Variants in SLC12A6 observed in about 807,000 individuals in gnomAD.
SLC12A6 encodes solute carrier family 12 member 6.
SLC12A6 carries 66 observed loss-of-function variants against 135.3 expected under a neutral mutation model. That is an observed-to-expected ratio of 0.49 (90% CI 0.40 to 0.60). The LOEUF (loss-of-function observed/expected upper bound fraction) is 0.60. Ranked by LOEUF, SLC12A6 falls within the 20% of genes least tolerant of loss-of-function variation. SLC12A6 has a pLI of 0.00. For synonymous variants in SLC12A6, 513 were observed against 508.8 expected, an observed-to-expected ratio of 1.01 and a Z score of -0.11; for missense variants, 1,058 against 1,452.3, an observed-to-expected ratio of 0.73 and a Z score of 4.41.
chr15:34,248,439 T>C (rs1254219068), intron 13 of SLC12A6, among the ~76,000 whole-genome samples: 1 of 152,082 alleles, frequency 6.6e-6, no homozygotes, highest in Non-Finnish European at 1.5e-5. Context: ...TTTTCCAAAA[T>C]GATACTCTAA....
intron 25 of SLC12A6, among the ~76,000 whole-genome samples, chr15:34,234,777 G>A (rs1891144391): frequency 6.6e-6 from 1 of 152,184 alleles, no homozygotes; most frequent in Non-Finnish European, 1.5e-5. Context: ...GTATGAGGAA[G>A]AATCCCTATC....
intron 2 of SLC12A6, among the ~76,000 whole-genome samples, chr15:34,301,584 G>A (rs7168168): frequency 0.039 from 5,973 of 152,242 alleles, 218 homozygotes; most frequent in African/African-American, 0.099. Context: ...GAAAATGTAG[G>A]GCCAAACATG....
In SLC12A6 at chr15:34,265,151, C is replaced by G. The variant is rs771922106; in HGVS notation, c.317-4131G>C. On this transcript the variant is annotated intron_variant, in intron 3 of 25. Coordinates refer to ENST00000354181, the MANE Select transcript of SLC12A6 (RefSeq NM_001365088.1). ...GGCGGAGCTTGCAGTGAGCCGAGAT[C>G]GTGCCACTGCACTCCAGCCTGGGCG... 1.5e-4 allele frequency among the ~76,000 whole-genome samples: 23 copies of G among 152,068 alleles called. 1 individual carries two copies. Among genetic ancestry groups the G allele is most frequent in the Non-Finnish European group, 2.8e-4 (19 of 68,008 alleles).
Position 34,250,757 on chromosome 15 carries a change from G to C in SLC12A6, c.1493-28C>G, listed in dbSNP as rs749461315. ...TTAGAGATAAGGGGGAAAAAACCAAGTTAACTTCTTGGACACTTTGATATT... is the reference window on the plus strand; with the variant it reads ...TTAGAGATAAGGGGGAAAAAACCAACTTAACTTCTTGGACACTTTGATATT... On this transcript the variant is annotated intron_variant, in intron 11 of 25. Transcript: ENST00000354181. 2.1e-6 allele frequency: 3 copies of C among 1,457,844 alleles called. No individual in the cohort carries two copies. The South Asian group carries it at 3.4e-5, about 17-fold the overall frequency. 90.3% of individuals were successfully genotyped at this position (1,457,844 alleles called of 1,614,324 possible).
intron 13 of SLC12A6, among the ~76,000 whole-genome samples, chr15:34,246,353 T>G (rs1190057582): frequency 6.6e-6 from 1 of 152,110 alleles, no homozygotes; most frequent in African/African-American, 2.4e-5. Flanking sequence ...AAAAAATACA[T>G]ATGGGGCTAG....
intron 2 of SLC12A6, among the ~76,000 whole-genome samples, chr15:34,312,783 T>C (rs1888352381): frequency 6.6e-6 from 1 of 152,240 alleles, no homozygotes; most frequent in Admixed American, 6.5e-5. Flanking sequence ...TTTTTAGTGC[T>C]GTTTTTCCAA....
chr15:34,261,149 C>T, intron 3 of SLC12A6, 129 bp from the exon 4 acceptor site: 1 of 684,312 alleles, frequency 1.5e-6, no homozygotes, highest in Non-Finnish European at 2.7e-6. Context: ...AATCTTAGAA[C>T]TCAATCAGCA....
intron 2 of SLC12A6, among the ~76,000 whole-genome samples, chr15:34,311,668 A>G (rs1016173413): frequency 1.3e-5 from 2 of 152,168 alleles, no homozygotes; most frequent in African/African-American, 4.8e-5. Flanking sequence ...GATTATCACT[A>G]AAAAGGCAAT....
At chr15:34,290,106 C>T (rs568674460) in intron 2 of SLC12A6, among the ~76,000 whole-genome samples, 22 of 152,234 alleles carry the variant, frequency 1.4e-4, no homozygotes, top group East Asian at 5.8e-4. Flanking sequence ...CTTTCTCTTG[C>T]GGGCATTTAG....
At chr15:34,243,885 T>G in intron 16 of SLC12A6, 89 bp downstream of exon 16, 1 of 836,906 alleles carries the variant, frequency 1.2e-6, no homozygotes, top group Non-Finnish European at 2.1e-6. Flanking sequence ...GAAAAAAATT[T>G]TATCGAGAAC....
At position 34,251,986 on chromosome 15, in the gene SLC12A6, GAAT is replaced by G. The variant is rs78669274; in HGVS notation, c.1333+181_1333+183del. On this transcript the variant is annotated intron_variant, in intron 10 of 25. Coordinates refer to ENST00000354181, the MANE Select transcript of SLC12A6 (RefSeq NM_001365088.1). ...AGACATCACTCTGTAAAGGAGTACT[GAAT>G]AAGGACAGCTTTACTAATGGAAAAG... Among the ~76,000 whole-genome samples the G allele has an allele frequency of 2.3e-4, 35 of 152,328 alleles. 1 individual carries two copies. The East Asian group carries it at 6.2e-3, about 27-fold the overall frequency.
chr15:34,275,346 T>C lies in SLC12A6; in HGVS notation c.315A>G (p.Leu105=), dbSNP rs774392413. 1.3e-6 allele frequency: 2 copies of C among 1,492,680 alleles called. No homozygotes were observed. The highest frequency in any genetic ancestry group is 1.9e-6 in the Non-Finnish European group (2 of 1,069,992). 92.5% of individuals were successfully genotyped at this position (1,492,680 alleles called of 1,614,324 possible). Residue 105 remains leucine (L), a splice_region_variant and synonymous_variant, in exon 3 of 26, where the codon TTA becomes TTG. Transcript: ENST00000354181. ...TCAATCCCCACAGTAATACTATACC[T>C]AACAGTTGGCTGTGTTCCCCTGTGA... ...NSITGEHSQL[L]DDGHKKARNA... is the part of the protein sequence containing the mutation.
chr15:34,293,955 C>T (rs1207350781), intron 2 of SLC12A6, among the ~76,000 whole-genome samples: 1 of 152,136 alleles, frequency 6.6e-6, no homozygotes, highest in Admixed American at 6.5e-5. Flanking sequence ...CACACACACA[C>T]AAAAATGGCT....
chr15:34,303,599 G>C (rs1896404734), intron 2 of SLC12A6, among the ~76,000 whole-genome samples: 1 of 152,082 alleles, frequency 6.6e-6, no homozygotes, highest in Non-Finnish European at 1.5e-5. Flanking sequence ...GCATCTGTTG[G>C]AAACTTAATC....
rs1398917794 is a variant in SLC12A6 at position 34,258,803 on chromosome 15, G to A, written c.543+10C>T. On this transcript the variant is annotated intron_variant, in intron 5 of 25. Coordinates refer to ENST00000354181, the MANE Select transcript of SLC12A6 (RefSeq NM_001365088.1). ...CTTTCTATGTATTCCTTGTTATTCT[G>A]AGGCCTCACCTTGGTGGGCTTCTTT... 1 of 1,610,092 alleles carries A rather than the reference G, an allele frequency of 6.2e-7. No homozygotes were observed. The highest frequency in any genetic ancestry group is 8.5e-7 in the Non-Finnish European group (1 of 1,176,576).
chr15:34,268,858 TCTTTC>T (rs1893706091), intron 3 of SLC12A6, among the ~76,000 whole-genome samples: 2 of 147,566 alleles, frequency 1.4e-5, no homozygotes, highest in African/African-American at 4.9e-5. Context: ...TTTTTTTCTT[TCTTTC>T]TTTTTTTTTT....
intron 25 of SLC12A6, 95 bp downstream of exon 25, chr15:34,235,085 TG>T: frequency 8.9e-7 from 1 of 1,121,624 alleles, no homozygotes; most frequent in Non-Finnish European, 1.4e-6. Flanking sequence ...AGAGGGAAAG[TG>T]GGGCATAGAC....
At chr15:34,329,911 C>T (rs1381184202) in intron 2 of SLC12A6, among the ~76,000 whole-genome samples, 2 of 152,170 alleles carry the variant, frequency 1.3e-5, no homozygotes, top group Non-Finnish European at 2.9e-5. Context: ...TTTTGTCTAT[C>T]TCTCCCCAAC....
chr15:34,332,128 G>A (rs555485447), intron 2 of SLC12A6, among the ~76,000 whole-genome samples: 6 of 152,220 alleles, frequency 3.9e-5, no homozygotes, highest in African/African-American at 7.2e-5. Flanking sequence ...TTCCTTTGCC[G>A]TATTTTTGCA....
Sources: gnomAD v4.1 joint callset for allele counts (sites outside exome capture counted in the v4.1 genomes callset) on GRCh38, gnomAD v4.1.1 for gene constraint, MANE v1.5 for transcripts, NCBI Gene and HGNC (gene_info 2026-07-23, HGNC 2026-07-21) for gene names.